The following SGO2 variants were observed in gnomAD, a reference collection of about 807,000 sequenced individuals.
SGO2 encodes the protein shugoshin 2.
Under a neutral mutation model 99.5 loss-of-function variants are expected in SGO2, and 68 were observed. The ratio of observed to expected loss-of-function variants is 0.68; its 90% confidence interval spans 0.56 to 0.84. SGO2 has a LOEUF of 0.84. Ranked by LOEUF, SGO2 falls within the 40% of genes least tolerant of loss-of-function variation. The pLI, the probability that SGO2 is intolerant of heterozygous loss-of-function variation, is 0.00. For missense variants in SGO2, 1,350 were observed against 1,436.7 expected (o/e 0.94, Z 0.97); for synonymous variants, 457 against 487.1 (o/e 0.94, Z 0.81).
chr2:200,536,280 G>A, intron 4 of SGO2, 138 bp downstream of exon 4: 2 of 466,684 alleles, frequency 4.3e-6, no homozygotes, highest in Non-Finnish European at 7.8e-6. Flanking sequence ...GTTTTAACTG[G>A]CTAACAGCAT....
intron 8 of SGO2, among the ~76,000 whole-genome samples, chr2:200,576,717 A>G (rs188396666): frequency 2.5e-4 from 38 of 152,322 alleles, no homozygotes; most frequent in African/African-American, 8.9e-4. Context: ...TATCCTCCCA[A>G]TTCTAGGCAA....
At position 200,570,244 on chromosome 2, in the gene SGO2, A is replaced by G. The variant is rs984619688; in HGVS notation, c.703+352A>G. 5 of 245,730 alleles carry G rather than the reference A, an allele frequency of 2.0e-5. No homozygotes were observed. The highest frequency in any genetic ancestry group is 3.1e-5 in the Non-Finnish European group (4 of 130,216). 15.2% of individuals were successfully genotyped at this position (245,730 alleles called of 1,614,324 possible). A position where few individuals can be genotyped will look rare whatever the true frequency, so the allele number is the denominator to read the frequency against. On this transcript the variant is annotated intron_variant, in intron 6 of 8. Transcript: ENST00000357799. The surrounding 1 kb of genome is among the most constrained non-coding windows in gnomAD (Gnocchi z 4.4). Reference sequence around the variant, plus strand: ...ATGAAAATTGGGGGCCTAGATAGGTATAGAGACTCTTTGAAGATCATCACC... The same window carrying G: ...ATGAAAATTGGGGGCCTAGATAGGTGTAGAGACTCTTTGAAGATCATCACC...
intron 5 of SGO2, among the ~76,000 whole-genome samples, chr2:200,564,081 G>C (rs1419141113): frequency 6.6e-6 from 1 of 152,148 alleles, no homozygotes; most frequent in African/African-American, 2.4e-5. Context: ...TCTGATCTTA[G>C]TTATTGCTTG....
At chr2:200,577,564 A>T (rs2033707578) in intron 8 of SGO2, among the ~76,000 whole-genome samples, 1 of 152,226 alleles carries the variant, frequency 6.6e-6, no homozygotes, top group South Asian at 2.1e-4. Context: ...TACTATTACC[A>T]AACTATAGAC....
At chr2:200,563,891 G>A (rs2033078534) in intron 5 of SGO2, among the ~76,000 whole-genome samples, 1 of 152,140 alleles carries the variant, frequency 6.6e-6, no homozygotes, top group Non-Finnish European at 1.5e-5. Flanking sequence ...ATTTCTGTGG[G>A]ATCGGTGGTG....
chr2:200,529,516 TTTTGTTTTTTG>T (rs1440394005), intron 1 of SGO2, among the ~76,000 whole-genome samples: 2 of 120,656 alleles, frequency 1.7e-5, no homozygotes, highest in Non-Finnish European at 4.1e-5. Context: ...TTTTGTTTTG[TTTTGTTTTTTG>T]TTTTTTTGTT....
At chr2:200,537,109 G>T (rs1369658953) in intron 4 of SGO2, among the ~76,000 whole-genome samples, 2 of 151,876 alleles carry the variant, frequency 1.3e-5, no homozygotes, top group African/African-American at 4.8e-5. Flanking sequence ...CTCTTTTGGT[G>T]CTGCTTTGGA....
In SGO2 at chr2:200,570,994, G is replaced by T; in HGVS notation, c.704-56G>T. The T allele has an allele frequency of 6.8e-7, 1 of 1,467,904 alleles. No homozygotes were observed. The allele number at this position is 1,467,904 out of a possible 1,614,324, so 90.9% of individuals were successfully genotyped here. ...TTGATTTCGAATCTAATTTGTTTAA[G>T]GTAACTTATTTATTTCATTACTTGT... On this transcript the variant is annotated intron_variant, in intron 6 of 8. Transcript: ENST00000357799. This position sits in a 1 kb window ranked among gnomAD's most constrained non-coding sequence, Gnocchi z 4.4.
intron 1 of SGO2, 65 bp from the exon 2 acceptor site, chr2:200,532,909 G>A (rs2031483388): frequency 6.9e-7 from 1 of 1,446,674 alleles, no homozygotes; most frequent in Admixed American, 2.2e-5. Flanking sequence ...TTTTTAAAAT[G>A]TATTTATCAG....
chr2:200,569,603 T>C, intron 5 of SGO2, 60 bp from the exon 6 acceptor site: 1 of 1,256,562 alleles, frequency 8.0e-7, no homozygotes. Context: ...TAACTGCCCA[T>C]GCATTTAAAG....
chr2:200,569,893 G>A lies in SGO2; in HGVS notation c.703+1G>A. 5 of 1,554,052 alleles carry A rather than the reference G, an allele frequency of 3.2e-6. No homozygotes were observed. Among genetic ancestry groups the A allele is most frequent in the Non-Finnish European group, 4.4e-6 (5 of 1,131,460 alleles). On this transcript the variant is annotated splice_donor_variant, in intron 6 of 8. Transcript: ENST00000357799. LOFTEE classifies it high-confidence loss of function. The stretch of plus-strand genomic sequence containing the variant: ...TCTATAGTTGATGTACCTCCCAGAG[G>A]TGAGATTGTTTTAAAAATTCATTTT...
rs574800721 is a variant in SGO2, at chr2:200,533,252, C to G, written c.133+144C>G. On this transcript the variant is annotated intron_variant, in intron 2 of 8. Transcript: ENST00000357799. Reference sequence around the variant, plus strand: ...GATAACTTTTTAAATTTGATCCTTCCTATCTCCTTCAACTCCTGTTAGTTG... The same window carrying G: ...GATAACTTTTTAAATTTGATCCTTCGTATCTCCTTCAACTCCTGTTAGTTG... The G allele has an allele frequency of 8.0e-5, 68 of 851,120 alleles. 3 individuals are homozygous for G. In the South Asian group the frequency reaches 1.3e-3, roughly 16 times the overall value. The allele number at this position is 851,120 out of a possible 1,614,324, so 52.7% of individuals were successfully genotyped here. A position where few individuals can be genotyped will look rare whatever the true frequency, so the allele number is the denominator to read the frequency against.
At chr2:200,561,295 T>C (rs2106333121) in intron 5 of SGO2, among the ~76,000 whole-genome samples, 1 of 152,258 alleles carries the variant, frequency 6.6e-6, no homozygotes, top group Non-Finnish European at 1.5e-5. Context: ...ACATGCAGTG[T>C]TTGGTTTTCT....
Position 200,572,985 on chromosome 2 carries a change from C to T in SGO2, c.2639C>T (p.Thr880Ile). 1 of 1,587,322 alleles carries T rather than the reference C, an allele frequency of 6.3e-7. No individual in the cohort carries two copies. Among genetic ancestry groups the T allele is most frequent in the South Asian group, 1.2e-5 (1 of 84,790 alleles). ...KDNGNLCDYDTQNILELKKYV... is the reference protein window; with the variant it reads ...KDNGNLCDYDIQNILELKKYV... The stretch of plus-strand genomic sequence containing the variant: ...AATGGAAATTTATGTGATTATGACA[C>T]CCAGAATATATTGGAGTTGAAAAAG... Residue 880 changes from threonine (T) to isoleucine (I), a missense_variant, in exon 7 of 9, where the codon ACC becomes ATC. Coordinates refer to ENST00000357799, the MANE Select transcript of SGO2 (RefSeq NM_152524.6).
chr2:200,551,845 A>G (rs940083379), intron 5 of SGO2, among the ~76,000 whole-genome samples: 44 of 152,160 alleles, frequency 2.9e-4, no homozygotes, highest in African/African-American at 1.0e-3. Flanking sequence ...CTATTATGTG[A>G]GTCCTTTTGT....
At chr2:200,582,249 T>C (rs2106356238) in intron 8 of SGO2, among the ~76,000 whole-genome samples, 1 of 152,236 alleles carries the variant, frequency 6.6e-6, no homozygotes, top group South Asian at 2.1e-4. Context: ...GATCAAATGA[T>C]AGCAGGAACT....
intron 5 of SGO2, among the ~76,000 whole-genome samples, chr2:200,553,854 C>T (rs2032595547): frequency 6.6e-6 from 1 of 152,068 alleles, no homozygotes; most frequent in South Asian, 2.1e-4. Flanking sequence ...CTTGGGGCTC[C>T]TGGGCCTGTC....
At position 200,572,167 on chromosome 2, in the gene SGO2, A is replaced by G. The variant is rs777151821; in HGVS notation, c.1821A>G (p.Ser607=). The G allele has an allele frequency of 6.2e-7, 1 of 1,612,686 alleles. No homozygotes were observed. The highest frequency in any genetic ancestry group is 8.5e-7 in the Non-Finnish European group (1 of 1,179,464). Residue 607 remains serine, a synonymous_variant, in exon 7 of 9, where the codon TCA becomes TCG. Transcript: ENST00000357799. ...TTCAACCCTCAGAGCAAAATGAATC[A>G]AACATTAATAAGCTTAGAAAGAAAG... ...TDIQPSEQNE[S]NINKLRKKVN...
intron 5 of SGO2, chr2:200,543,433 G>C (rs1245768113): frequency 6.6e-6 from 1 of 152,226 alleles, no homozygotes; most frequent in Non-Finnish European, 1.5e-5. Flanking sequence ...TTACAAGTCA[G>C]TCAGTGATGC....
Sources: gnomAD v4.1 joint callset for allele counts (sites outside exome capture counted in the v4.1 genomes callset) on GRCh38, gnomAD v4.1.1 for gene constraint, Gnocchi (gnomAD v3.1) non-coding constraint, MANE v1.5 for transcripts, NCBI Gene and HGNC (gene_info 2026-07-23, HGNC 2026-07-21) for gene names.